The following MAP7D1 variants were observed in gnomAD, a reference collection of about 807,000 sequenced individuals.
The protein encoded by MAP7D1 is MAP7 domain-containing protein 1.
A neutral mutation model predicts 97.5 loss-of-function variants in MAP7D1; 30 were observed. That is an observed-to-expected ratio of 0.31 (90% confidence interval 0.23 to 0.42). The LOEUF is 0.42. Among genes scored for constraint, MAP7D1 ranks in the 10% least tolerant of loss-of-function variants. The probability of loss-of-function intolerance (pLI) is 1.00; values close to 1 mark genes in which losing one functional copy is unlikely to be tolerated. For synonymous variants in MAP7D1, 536 were observed against 477.1 expected, an observed-to-expected ratio of 1.12 and a Z score of -1.61; for missense variants, 1,184 against 1,179.5, an observed-to-expected ratio of 1.00 and a Z score of -0.06.
Position 36,175,262 on chromosome 1 carries a change from C to T in MAP7D1, c.850+254C>T, listed in dbSNP as rs137977639. 3.3e-5 allele frequency among the ~76,000 whole-genome samples: 5 copies of T among 152,374 alleles called. No individual in the cohort carries two copies. In the East Asian group the frequency reaches 9.6e-4, roughly 29 times the overall value. On this transcript the variant is annotated intron_variant, in intron 6 of 16. Transcript: ENST00000474796. ...ATGCCGCAGAGGGCAGGAAGCCTGG[C>T]AGGAGCCTCAAGAGCAAGTTGGAGG...
chr1:36,172,705 A>G (rs775830923), intron 4 of MAP7D1, 78 bp downstream of exon 4: 156 of 1,346,936 alleles, frequency 1.2e-4, no homozygotes, highest in Non-Finnish European at 1.5e-4. Context: ...ACACACATCC[A>G]TGTTCACGGC....
At chr1:36,179,218 T>C in intron 12 of MAP7D1, 44 bp from the exon 13 acceptor site, 1 of 1,606,982 alleles carries the variant, frequency 6.2e-7, no homozygotes, top group South Asian at 1.1e-5. Flanking sequence ...GGTTTAGGAT[T>C]AGGGGCGGGG....
chr1:36,161,879 G>GTGTGTGTGTGTGTA (rs1403024869), intron 1 of MAP7D1, among the ~76,000 whole-genome samples: 1 of 21,204 alleles, frequency 4.7e-5, no homozygotes, highest in Non-Finnish European at 3.0e-4. Flanking sequence ...GTGTGTGTAT[G>GTGTGTGTGTGTGTA]TGTGTGTGTG....
chr1:36,178,297 G>A (rs1280198361), intron 9 of MAP7D1, 96 bp downstream of exon 9: 7 of 1,472,436 alleles, frequency 4.8e-6, no homozygotes, highest in East Asian at 2.5e-5. Context: ...AGGACTGGGA[G>A]TGGGACATGG....
intron 9 of MAP7D1, 57 bp downstream of exon 9, chr1:36,178,258 G>A: frequency 1.3e-6 from 2 of 1,489,066 alleles, no homozygotes; most frequent in Non-Finnish European, 1.8e-6. Flanking sequence ...CTTCTCCTGT[G>A]TGGGGGTGTG....
chr1:36,173,461 C>G lies in MAP7D1; in HGVS notation c.722C>G (p.Ser241Cys), dbSNP rs749937345. 7.4e-6 allele frequency: 12 copies of G among 1,612,896 alleles called. No homozygotes were observed. In the South Asian group the frequency reaches 8.8e-5, roughly 12 times the overall value. Residue 241 changes from serine to cysteine, a missense_variant, in exon 5 of 17, where the codon TCT (serine) becomes TGT (cysteine). Ser to Cys is a moderately radical substitution (Grantham distance 112). Transcript: ENST00000474796. ...WSWAGALHHS[S>C]PGHKTSGSRC... ...TGGGCAGGGGCCCTGCACCACAGCTCTCCAGGACATAAGACCAGTGAGTAG... is the reference window on the plus strand; with the variant it reads ...TGGGCAGGGGCCCTGCACCACAGCTGTCCAGGACATAAGACCAGTGAGTAG...
chr1:36,157,090 A>T (rs1467993739), intron 1 of MAP7D1: 2 of 152,294 alleles, frequency 1.3e-5, no homozygotes, highest in African/African-American at 2.4e-5. Flanking sequence ...AACCCGCCGG[A>T]TAAAGGCGAG....
intron 1 of MAP7D1, among the ~76,000 whole-genome samples, chr1:36,170,305 A>ATT (rs753584625): frequency 6.6e-5 from 10 of 152,230 alleles, no homozygotes; most frequent in Non-Finnish European, 1.5e-4. Flanking sequence ...GGGAAAAAAG[A>ATT]TTATAAAGTG....
At position 36,179,498 on chromosome 1, in the gene MAP7D1, C is replaced by T. The variant is rs1187331345; in HGVS notation, c.2185-17C>T. The stretch of plus-strand genomic sequence containing the variant: ...CGGCTGTCCCTTGAGCCTGACTGCT[C>T]TTCCTCTTCAAAGCAGAAGCAGGAC... On this transcript the variant is annotated splice_polypyrimidine_tract_variant and intron_variant, in intron 13 of 16. Transcript: ENST00000474796. 19 of 1,580,376 alleles carry T rather than the reference C, an allele frequency of 1.2e-5. No individual in the cohort carries two copies. Among genetic ancestry groups the T allele is most frequent in the Non-Finnish European group, 1.6e-5 (19 of 1,162,466 alleles).
Position 36,179,569 on chromosome 1 carries a change from A to T in MAP7D1, c.2227+12A>T, listed in dbSNP as rs1309430507. 2 of 1,561,302 alleles carry T rather than the reference A, an allele frequency of 1.3e-6. No individual in the cohort carries two copies. The highest frequency in any genetic ancestry group is 1.7e-6 in the Non-Finnish European group (2 of 1,151,902). On this transcript the variant is annotated intron_variant, in intron 14 of 16. Coordinates refer to ENST00000474796, the MANE Select transcript of MAP7D1 (RefSeq NM_001388490.1). ...CGGTTCCAGCCCAGGTAAAGCCCCC[A>T]TTCCTCTCGCCTCCCTTCCCTTTGC...
chr1:36,156,178 C>G lies in MAP7D1; in HGVS notation c.-240C>G, dbSNP rs998073699. The G allele has an allele frequency of 1.2e-5, 5 of 419,496 alleles. No individual in the cohort carries two copies. Among genetic ancestry groups the G allele is most frequent in the Middle Eastern group, 1.2e-3 (2 of 1,622 alleles). The allele number at this position is 419,496 out of a possible 1,614,324, so 26.0% of individuals were successfully genotyped here. On this transcript the variant is annotated 5_prime_UTR_variant, in exon 1 of 17. Transcript: ENST00000474796. ...CAATAGGGTTGGGCCGAGGCCGGGA[C>G]TGGGCCGGCGCCGGGCGGGGAACGG...
At position 36,179,468 on chromosome 1, in the gene MAP7D1, G is replaced by T. The variant is rs777522310; in HGVS notation, c.2185-47G>T. ...GGGCCGAACTCAGTCCGAAGTGGCT[G>T]GGGCCGGCTGTCCCTTGAGCCTGAC... On this transcript the variant is annotated intron_variant, in intron 13 of 16. Coordinates refer to ENST00000474796, the MANE Select transcript of MAP7D1 (RefSeq NM_001388490.1). The T allele has an allele frequency of 1.2e-5, 19 of 1,577,146 alleles. No individual in the cohort carries two copies. In the South Asian group the frequency reaches 1.5e-4, roughly 12 times the overall value.
intron 4 of MAP7D1, among the ~76,000 whole-genome samples, chr1:36,172,973 G>A (rs1644567755): frequency 6.6e-6 from 1 of 152,244 alleles, no homozygotes; most frequent in Non-Finnish European, 1.5e-5. Context: ...TGCTGGTGAG[G>A]AAATGAAGGA....
At chr1:36,177,506 A>T (rs1644643815) in intron 8 of MAP7D1, 1 of 508,188 alleles carries the variant, frequency 2.0e-6, no homozygotes, top group South Asian at 1.6e-5. Context: ...CCTGGGGGTC[A>T]GCCAGATTCT....
rs1644544036 is a variant in MAP7D1 at position 36,171,574 on chromosome 1, G to A, written c.453G>A (p.Lys151=). Residue 151 remains lysine (K), a synonymous_variant, in exon 3 of 17, where the codon AAG becomes AAA. Transcript: ENST00000474796. The part of the protein sequence containing the change: ...LAKERREERA[K]YLAAKKAVWL... ...AGGAGCGGCGAGAAGAGCGGGCCAAGTACCTGGGTGAGTGAGCAGGAAGCC... is the reference window on the plus strand; with the variant it reads ...AGGAGCGGCGAGAAGAGCGGGCCAAATACCTGGGTGAGTGAGCAGGAAGCC... The A allele has an allele frequency of 1.2e-6, 2 of 1,614,156 alleles. No individual in the cohort carries two copies. The highest frequency in any genetic ancestry group is 1.1e-5 in the South Asian group (1 of 91,090).
intron 1 of MAP7D1, among the ~76,000 whole-genome samples, chr1:36,169,726 G>C (rs975256006): frequency 6.6e-6 from 1 of 152,172 alleles, no homozygotes; most frequent in African/African-American, 2.4e-5. Flanking sequence ...GGGAGACCAG[G>C]AGGCTTCATA....
In MAP7D1 at chr1:36,176,232, G is replaced by A; in HGVS notation, c.884G>A (p.Ser295Asn). The change falls in exon 7 of 17, where the codon AGC becomes AAC. Residue 295 changes from serine (S) to asparagine (N), a missense_variant. By Grantham distance (46) the Ser-to-Asn change is conservative (BLOSUM62 1). Transcript: ENST00000474796. This position sits in a 1 kb window ranked among gnomAD's most constrained non-coding sequence, Gnocchi z 6.1. ...CTGCAGCTGAGCGCATGGGAGAGCA[G>A]CATCGTGGATCGTCTGATGACGCCC... ...RSLQLSAWES[S>N]IVDRLMTPTL... The A allele has an allele frequency of 1.2e-6, 2 of 1,608,488 alleles. No homozygotes were observed. Among genetic ancestry groups the A allele is most frequent in the African/African-American group, 2.7e-5 (2 of 74,772 alleles).
At position 36,176,194 on chromosome 1, in the gene MAP7D1, C is replaced by G. The variant is rs1460843116; in HGVS notation, c.851-5C>G. The G allele has an allele frequency of 9.3e-6, 15 of 1,605,878 alleles. No individual in the cohort carries two copies. The highest frequency in any genetic ancestry group is 1.2e-5 in the Non-Finnish European group (14 of 1,178,826). On this transcript the variant is annotated splice_region_variant and splice_polypyrimidine_tract_variant and intron_variant, in intron 6 of 16. Transcript: ENST00000474796. This position sits in a 1 kb window ranked among gnomAD's most constrained non-coding sequence, Gnocchi z 6.1. Reference sequence around the variant, plus strand: ...GACCGGCTTCGCCTGGCCTTCTACCCCCAGATCGCAGCCTGCAGCTGAGCG... The same window carrying G: ...GACCGGCTTCGCCTGGCCTTCTACCGCCAGATCGCAGCCTGCAGCTGAGCG...
At chr1:36,167,701 T>C (rs1410525119) in intron 1 of MAP7D1, among the ~76,000 whole-genome samples, 1 of 152,220 alleles carries the variant, frequency 6.6e-6, no homozygotes, top group African/African-American at 2.4e-5. Flanking sequence ...CTCTGAAGCC[T>C]GTGACCTTTC....
Sources: gnomAD v4.1 joint callset for allele counts (sites outside exome capture counted in the v4.1 genomes callset) on GRCh38, gnomAD v4.1.1 for gene constraint, Gnocchi (gnomAD v3.1) non-coding constraint, MANE v1.5 for transcripts, NCBI Gene and HGNC (gene_info 2026-07-23, HGNC 2026-07-21) for gene names.